Variants in PTPRO observed in about 807,000 individuals in gnomAD.
PTPRO encodes protein tyrosine phosphatase receptor type O.
PTPRO carries 62 observed loss-of-function variants against 145.2 expected under a neutral mutation model. The observed-to-expected ratio is 0.43, with a 90% confidence interval of 0.35 to 0.53. PTPRO has a LOEUF of 0.53. PTPRO is among the 20% of genes least tolerant of loss of function. The pLI is 0.01. For missense variants in PTPRO, 1,345 were observed against 1,482.7 expected (o/e 0.91, Z 1.53); for synonymous variants, 565 against 514.7 (o/e 1.10, Z -1.32).
At chr12:15,415,001 A>T (rs1470498898) in intron 1 of PTPRO, among the ~76,000 whole-genome samples, 1 of 152,206 alleles carries the variant, frequency 6.6e-6, no homozygotes, top group Non-Finnish European at 1.5e-5. Context: ...ATAAGCTCAA[A>T]AATGAACTCC....
intron 12 of PTPRO, among the ~76,000 whole-genome samples, chr12:15,536,191 G>T (rs1943062190): frequency 6.6e-6 from 1 of 152,178 alleles, no homozygotes; most frequent in Non-Finnish European, 1.5e-5. Flanking sequence ...GAGAAAAGGA[G>T]ATGATAAACA....
At chr12:15,558,439 A>C (rs990646075) in intron 16 of PTPRO, among the ~76,000 whole-genome samples, 2 of 152,202 alleles carry the variant, frequency 1.3e-5, no homozygotes, top group East Asian at 1.9e-4. Flanking sequence ...TTCGAATTTT[A>C]AAGAGCATTG....
At chr12:15,424,388 A>G (rs1940227590) in intron 1 of PTPRO, among the ~76,000 whole-genome samples, 1 of 152,178 alleles carries the variant, frequency 6.6e-6, no homozygotes, top group Non-Finnish European at 1.5e-5. Flanking sequence ...ATTAACTACC[A>G]TGGAATCAAT....
intron 18 of PTPRO, among the ~76,000 whole-genome samples, chr12:15,566,530 T>C (rs948804705): frequency 2.0e-5 from 3 of 152,132 alleles, no homozygotes; most frequent in Non-Finnish European, 4.4e-5. Flanking sequence ...TATTTTATTT[T>C]ATTTTTTGGA....
At chr12:15,536,414 G>C (rs1943066700) in intron 12 of PTPRO, among the ~76,000 whole-genome samples, 1 of 152,190 alleles carries the variant, frequency 6.6e-6, no homozygotes, top group South Asian at 2.1e-4. Flanking sequence ...AGGAACCACA[G>C]GTGCCCAGCT....
chr12:15,435,582 C>G (rs1940573149), intron 1 of PTPRO, among the ~76,000 whole-genome samples: 2 of 150,384 alleles, frequency 1.3e-5, no homozygotes, highest in South Asian at 4.2e-4. Flanking sequence ...TTTTGGCAAT[C>G]TCTCTCTATA....
chr12:15,449,310 G>T (rs931358857), intron 1 of PTPRO, among the ~76,000 whole-genome samples: 1 of 152,168 alleles, frequency 6.6e-6, no homozygotes, highest in African/African-American at 2.4e-5. Flanking sequence ...TCCTAAGCTT[G>T]GTTTTCAGTT....
rs925014470 is a variant in PTPRO at position 15,565,627 on chromosome 12, A to T, written c.2746A>T (p.Asn916Tyr). The T allele has an allele frequency of 6.9e-7, 1 of 1,448,016 alleles. No individual in the cohort carries two copies. 89.7% of individuals were successfully genotyped at this position (1,448,016 alleles called of 1,614,324 possible). ...TGGTTTAAAGAAGAGGAAACTGACA[A>T]AGTAAGTTTTTCTTACTATGTCATT... is the stretch of plus-strand genomic sequence containing the variant. ...KNGLKKRKLTNPVQLDDFDAY... is the reference protein window; with the variant it reads ...KNGLKKRKLTYPVQLDDFDAY... Residue 916 changes from asparagine (N) to tyrosine (Y), a missense_variant and splice_region_variant, in exon 18 of 27, where the codon AAC (asparagine) becomes TAC (tyrosine). Transcript: ENST00000281171.
At chr12:15,439,285 G>A (rs1940689227) in intron 1 of PTPRO, among the ~76,000 whole-genome samples, 1 of 152,150 alleles carries the variant, frequency 6.6e-6, no homozygotes, top group Admixed American at 6.5e-5. Context: ...TCTAAACATG[G>A]AAATGAAAGA....
chr12:15,465,401 T>C (rs1004278793), intron 1 of PTPRO, among the ~76,000 whole-genome samples: 30 of 152,242 alleles, frequency 2.0e-4, no homozygotes, highest in African/African-American at 7.2e-4. Flanking sequence ...ATTTCTTCTT[T>C]ATATATTGGT....
intron 20 of PTPRO, 132 bp downstream of exon 20, chr12:15,579,075 G>C: frequency 1.4e-6 from 1 of 740,286 alleles, no homozygotes; most frequent in Non-Finnish European, 2.4e-6. Flanking sequence ...GTCTGAGATT[G>C]CATTGATCTC....
intron 1 of PTPRO, among the ~76,000 whole-genome samples, chr12:15,463,717 C>T (rs1941355443): frequency 6.6e-6 from 1 of 152,140 alleles, no homozygotes; most frequent in Non-Finnish European, 1.5e-5. Context: ...TTCCTCCTTC[C>T]TCCCTTTTTA....
Position 15,546,728 on chromosome 12 carries a change from A to G in PTPRO, c.2304+20A>G. ...CTTCAGGTACTGTACCTTTTGATCT[A>G]CCTTTTCTCAGTTAACTTAAGTAAG... On this transcript the variant is annotated intron_variant, in intron 13 of 26. Transcript: ENST00000281171. The G allele has an allele frequency of 3.7e-6, 6 of 1,613,672 alleles. No homozygotes were observed. Among genetic ancestry groups the G allele is most frequent in the Non-Finnish European group, 5.1e-6 (6 of 1,179,682 alleles).
At chr12:15,362,613 T>A (rs775010224) in intron 1 of PTPRO, among the ~76,000 whole-genome samples, 1 of 152,102 alleles carries the variant, frequency 6.6e-6, no homozygotes, top group Non-Finnish European at 1.5e-5. Context: ...CTCTTCCTTA[T>A]ATGGTAGAGT....
At chr12:15,577,907 A>G (rs1479782257) in intron 19 of PTPRO, among the ~76,000 whole-genome samples, 1 of 152,242 alleles carries the variant, frequency 6.6e-6, no homozygotes, top group Admixed American at 6.5e-5. Context: ...CACATGGCAT[A>G]GCAACTTAGA....
intron 2 of PTPRO, among the ~76,000 whole-genome samples, chr12:15,486,459 G>T (rs1283205896): frequency 1.3e-5 from 2 of 152,048 alleles, no homozygotes; most frequent in African/African-American, 4.8e-5. Flanking sequence ...AGACAGCATA[G>T]AGTTGAGTCT....
At chr12:15,504,102 G>A (rs780881385) in intron 6 of PTPRO, 33 bp downstream of exon 6, 5 of 1,579,318 alleles carry the variant, frequency 3.2e-6, no homozygotes, top group South Asian at 2.2e-5. Flanking sequence ...TACACTTACT[G>A]GGGAGCTAGA....
In PTPRO at chr12:15,500,917, G is replaced by A. The variant is rs893859549; in HGVS notation, c.662-703G>A. 6.6e-5 allele frequency among the ~76,000 whole-genome samples: 10 copies of A among 152,256 alleles called. 1 individual carries two copies. Among genetic ancestry groups the A allele is most frequent in the South Asian group, 4.1e-4 (2 of 4,820 alleles). On this transcript the variant is annotated intron_variant, in intron 4 of 26. Coordinates refer to ENST00000281171, the MANE Select transcript of PTPRO (RefSeq NM_030667.3). ...AGCCTGGGCAACAGAGAGAGATACT[G>A]TCTCAAAATAAAAATTAACAAAAAA...
intron 9 of PTPRO, among the ~76,000 whole-genome samples, chr12:15,518,340 A>G (rs1489203556): frequency 1.7e-4 from 26 of 152,086 alleles, no homozygotes; most frequent in Non-Finnish European, 4.4e-5. Context: ...CAGCACAGGG[A>G]CCCTGGGCCT....
Sources: allele counts gnomAD v4.1 joint callset (sites outside exome capture counted in the v4.1 genomes callset), GRCh38; gene constraint gnomAD v4.1.1; transcripts MANE v1.5; gene names NCBI Gene and HGNC (gene_info 2026-07-23, HGNC 2026-07-21).